The following MCCC1 variants were observed in gnomAD, a reference collection of about 807,000 sequenced individuals.
MCCC1 encodes the protein methylcrotonoyl-CoA carboxylase subunit alpha, mitochondrial.
A neutral mutation model predicts 83.8 loss-of-function variants in MCCC1; 64 were observed. That is an observed-to-expected ratio of 0.76 (90% CI 0.62 to 0.94). The LOEUF is 0.94. Ranked by LOEUF, MCCC1 falls within the 40% of genes least tolerant of loss-of-function variation. The probability of loss-of-function intolerance (pLI) is 0.00; values close to 1 mark genes in which losing one functional copy is unlikely to be tolerated. For missense variants in MCCC1, 807 were observed against 904.7 expected, an observed-to-expected ratio of 0.89 and a Z score of 1.39; for synonymous variants, 322 against 315.4, an observed-to-expected ratio of 1.02 and a Z score of -0.22.
intron 17 of MCCC1, among the ~76,000 whole-genome samples, chr3:183,019,076 C>G (rs1711928992): frequency 6.6e-6 from 1 of 152,200 alleles, no homozygotes; most frequent in Non-Finnish European, 1.5e-5. Flanking sequence ...GGTCTCCTAG[C>G]TCATACCCAC....
intron 16 of MCCC1, among the ~76,000 whole-genome samples, chr3:183,021,051 C>T (rs1290771567): frequency 6.6e-6 from 1 of 152,146 alleles, no homozygotes; most frequent in African/African-American, 2.4e-5. Flanking sequence ...CAGAGCAAGA[C>T]TCCATCTCAA....
chr3:183,089,888 T>C lies in MCCC1; in HGVS notation c.273+2521A>G, dbSNP rs370695914. Among the ~76,000 whole-genome samples, 19 of 152,326 alleles carry C rather than the reference T, an allele frequency of 1.2e-4. No homozygotes were observed. In the South Asian group the frequency reaches 1.9e-3, roughly 15 times the overall value. On this transcript the variant is annotated intron_variant, in intron 3 of 18. Transcript: ENST00000265594. ...TATAGGTGAAAGGTCATGAGTTCAA[T>C]TTCAGTCACACTAGTTTGGTACCTG...
At chr3:183,063,533 T>C (rs551960758) in intron 7 of MCCC1, among the ~76,000 whole-genome samples, 23 of 152,186 alleles carry the variant, frequency 1.5e-4, no homozygotes, top group Non-Finnish European at 2.9e-4. Context: ...ACATAAAGAA[T>C]ACACAGTATG....
At chr3:183,051,064 C>A (rs1010917485) in intron 9 of MCCC1, among the ~76,000 whole-genome samples, 4 of 152,198 alleles carry the variant, frequency 2.6e-5, no homozygotes, top group African/African-American at 9.7e-5. Context: ...TCTTTTGTTG[C>A]TGACAGGAAT....
chr3:183,112,410 G>A (rs540010525), intron 1 of MCCC1, among the ~76,000 whole-genome samples: 48 of 152,268 alleles, frequency 3.2e-4, no homozygotes, highest in African/African-American at 1.1e-3. Flanking sequence ...GTCAAAAGAA[G>A]GCTGCAGTGG....
At chr3:183,084,216 C>T (rs1381408225) in intron 4 of MCCC1, among the ~76,000 whole-genome samples, 2 of 152,172 alleles carry the variant, frequency 1.3e-5, no homozygotes, top group East Asian at 1.9e-4. Context: ...GAATTTCTAA[C>T]GAGCTCATAA....
Position 183,022,407 on chromosome 3 carries a change from G to C in MCCC1, c.1869+10C>G. The C allele has an allele frequency of 6.2e-7, 1 of 1,613,848 alleles. No homozygotes were observed. Among genetic ancestry groups the C allele is most frequent in the Non-Finnish European group, 8.5e-7 (1 of 1,179,824 alleles). ...GCCCCAGGAGGGATATTATAAAGAA[G>C]AGACATTACCTTGGAAAATAGGTAA... On this transcript the variant is annotated intron_variant, in intron 16 of 18. Transcript: ENST00000265594.
At chr3:183,094,359 T>G (rs112652721) in intron 2 of MCCC1, among the ~76,000 whole-genome samples, 200 bp downstream of exon 2, 11 of 152,232 alleles carry the variant, frequency 7.2e-5, no homozygotes, top group African/African-American at 2.6e-4. Context: ...GCCCTCTGTA[T>G]TTTAGACTTA....
intron 14 of MCCC1, among the ~76,000 whole-genome samples, chr3:183,030,415 G>A (rs1408128910): frequency 1.3e-5 from 2 of 152,270 alleles, no homozygotes; most frequent in Middle Eastern, 3.4e-3. Context: ...TCACTACGCT[G>A]CTGGTGCCCT....
At chr3:183,098,577 C>T (rs992646180) in intron 1 of MCCC1, 2 of 152,252 alleles carry the variant, frequency 1.3e-5, no homozygotes, top group African/African-American at 4.8e-5. Flanking sequence ...TCAATCTTTC[C>T]AGAATGATGA....
chr3:183,098,084 C>T (rs1220549968), intron 1 of MCCC1, among the ~76,000 whole-genome samples: 4 of 152,162 alleles, frequency 2.6e-5, no homozygotes, highest in South Asian at 2.1e-4. Context: ...CGTGTCACCA[C>T]GCCCGGCTAA....
At chr3:183,075,733 G>C (rs1470262448) in intron 4 of MCCC1, among the ~76,000 whole-genome samples, 4 of 152,018 alleles carry the variant, frequency 2.6e-5, no homozygotes, top group African/African-American at 9.7e-5. Flanking sequence ...AGTAGAGACA[G>C]GGTTTCACCA....
rs138716208 is a variant in MCCC1, at chr3:183,054,052, T to G, written c.874-1812A>C. On this transcript the variant is annotated intron_variant, in intron 8 of 18. Coordinates refer to ENST00000265594, the MANE Select transcript of MCCC1 (RefSeq NM_020166.5). ...GCCTGCCACCACATCCAGATAATTT[T>G]TATATTTTTAGTAAAGGCAGGGTTT... Among the ~76,000 whole-genome samples, 146 of 149,632 alleles carry G rather than the reference T, an allele frequency of 9.8e-4. 4 individuals carry two copies. Among genetic ancestry groups the G allele is most frequent in the African/African-American group, 3.3e-3 (135 of 40,680 alleles).
intron 3 of MCCC1, among the ~76,000 whole-genome samples, chr3:183,088,810 C>T (rs1044604428): frequency 2.0e-5 from 3 of 152,146 alleles, no homozygotes; most frequent in South Asian, 2.1e-4. Flanking sequence ...CTTTTTCTTG[C>T]TAGTACACAT....
At chr3:183,096,420 A>G (rs777484551) in intron 1 of MCCC1, among the ~76,000 whole-genome samples, 7 of 152,210 alleles carry the variant, frequency 4.6e-5, no homozygotes, top group Admixed American at 1.3e-4. Context: ...CTTTTTGTCT[A>G]TACCTGGAAG....
upstream of MCCC1, among the ~76,000 whole-genome samples, chr3:183,101,159 C>T (rs1396909825): frequency 1.3e-5 from 2 of 152,266 alleles, no homozygotes; most frequent in African/African-American, 2.4e-5. Context: ...GACCTGCAGC[C>T]CGCCATGCCT....
At chr3:183,080,619 A>G (rs1560267441) in intron 4 of MCCC1, among the ~76,000 whole-genome samples, 1 of 152,224 alleles carries the variant, frequency 6.6e-6, no homozygotes, top group Non-Finnish European at 1.5e-5. Flanking sequence ...TCTGCCTGTT[A>G]CCGAGTTCCA....
intron 15 of MCCC1, among the ~76,000 whole-genome samples, chr3:183,024,908 G>A: frequency 6.6e-6 from 1 of 150,798 alleles, no homozygotes; most frequent in East Asian, 1.9e-4. Flanking sequence ...ATTAATGGCT[G>A]AATGGATAAA....
intron 6 of MCCC1, 23 bp downstream of exon 6, chr3:183,071,187 A>G: frequency 2.5e-6 from 4 of 1,614,148 alleles, no homozygotes; most frequent in Non-Finnish European, 3.4e-6. Context: ...TGAATTGGCA[A>G]ACACAAGCAT....
Sources: gnomAD v4.1 joint callset for allele counts (sites outside exome capture counted in the v4.1 genomes callset) on GRCh38, gnomAD v4.1.1 for gene constraint, MANE v1.5 for transcripts, NCBI Gene and HGNC (gene_info 2026-07-23, HGNC 2026-07-21) for gene names.